The following NALF1 variants were observed in gnomAD, a reference collection of about 807,000 sequenced individuals.
NALF1 encodes the protein family with sequence similarity 155 member A.
In NALF1, 3 loss-of-function variants were observed where a neutral mutation model predicts 48.4. That is an observed-to-expected ratio of 0.06 (90% CI 0.03 to 0.16). NALF1 has a LOEUF of 0.16. Ranked by LOEUF, NALF1 falls within the 10% of genes least tolerant of loss-of-function variation. NALF1 has a pLI of 1.00. For synonymous variants in NALF1, 262 were observed against 245.7 expected (o/e 1.07, Z -0.62); for missense variants, 526 against 571.5 (o/e 0.92, Z 0.81).
chr13:107,858,942 T>G (rs545143005), intron 1 of NALF1, among the ~76,000 whole-genome samples: 4 of 152,212 alleles, frequency 2.6e-5, no homozygotes, highest in Admixed American at 6.5e-5. Flanking sequence ...ATAATGATCG[T>G]CTATTTAACG....
At chr13:107,265,135 T>C (rs987189257) in intron 1 of NALF1, among the ~76,000 whole-genome samples, 2 of 152,360 alleles carry the variant, frequency 1.3e-5, no homozygotes, top group Admixed American at 6.5e-5. Context: ...GGCTATTTGA[T>C]TATTACAAGA....
intron 1 of NALF1, among the ~76,000 whole-genome samples, chr13:107,693,596 C>T (rs1412005514): frequency 1.3e-5 from 2 of 150,944 alleles, no homozygotes; most frequent in African/African-American, 4.9e-5. Context: ...TTTAGAAAGG[C>T]ATTTTTCTTT....
At chr13:107,499,584 T>C (rs1290980011) in intron 1 of NALF1, among the ~76,000 whole-genome samples, 2 of 152,178 alleles carry the variant, frequency 1.3e-5, no homozygotes, top group Non-Finnish European at 2.9e-5. Context: ...CTAGGTTATA[T>C]ACCACACACA....
At chr13:107,291,223 G>A (rs11841346) in intron 1 of NALF1, among the ~76,000 whole-genome samples, 23,652 of 151,584 alleles carry the variant, frequency 0.16, 2,577 homozygotes, top group African/African-American at 0.31. Flanking sequence ...TAACTATATT[G>A]ATATGAAAAA....
Position 107,866,179 on chromosome 13 carries a change from C to A in NALF1, c.418G>T (p.Gly140Cys), listed in dbSNP as rs201168561. The A allele has an allele frequency of 6.2e-7, 1 of 1,604,178 alleles. No homozygotes were observed. Among genetic ancestry groups the A allele is most frequent in the Non-Finnish European group, 8.5e-7 (1 of 1,175,932 alleles). Residue 140 changes from glycine (G) to cysteine (C), a missense_variant, in exon 1 of 3, where the codon GGC (glycine) becomes TGC (cysteine). Physicochemically the swap from Gly to Cys is radical, Grantham distance 159 (BLOSUM62 -3). Around this residue, in one of 2 missense-constraint regions of NALF1, gnomAD observed 373 missense variants for 355.5 expected, o/e 1.05. Coordinates refer to ENST00000375915, the MANE Select transcript of NALF1 (RefSeq NM_001080396.3). The surrounding 1 kb of genome is among the most constrained non-coding windows in gnomAD (Gnocchi z 4.4). ...CCTCGGTTGCCCTTGCCGCCGCCGC[C>A]GCCGCCGTCTCCCGGGGAGGGGGGC... ...TLPPSPGDGGGGGGKGNRGKD... is the reference protein window; with the variant it reads ...TLPPSPGDGGCGGGKGNRGKD...
At chr13:107,804,725 A>G (rs1029055186) in intron 1 of NALF1, among the ~76,000 whole-genome samples, 1 of 152,194 alleles carries the variant, frequency 6.6e-6, no homozygotes, top group Non-Finnish European at 1.5e-5. Flanking sequence ...TTGAAAGATA[A>G]TATGTGGATA....
chr13:107,325,655 T>G (rs9514657), intron 1 of NALF1, among the ~76,000 whole-genome samples: 53,282 of 151,064 alleles, frequency 0.35, 11,420 homozygotes, highest in South Asian at 0.54. Context: ...CTGGCCAATA[T>G]GGCAAAACCT....
rs540918366 is a variant in NALF1 at position 107,771,862 on chromosome 13, G to A, written c.915+93820C>T. ...AGTGATTCTCCTGCCTCAGCCTCTG[G>A]AGTAGTTGGGACTACAGGCACATGC... On this transcript the variant is annotated intron_variant, in intron 1 of 2. Coordinates refer to ENST00000375915, the MANE Select transcript of NALF1 (RefSeq NM_001080396.3). Among the ~76,000 whole-genome samples the A allele has an allele frequency of 1.6e-3, 245 of 152,106 alleles. 1 individual carries two copies. The highest frequency in any genetic ancestry group is 5.3e-3 in the African/African-American group (221 of 41,490).
intron 1 of NALF1, among the ~76,000 whole-genome samples, chr13:107,492,678 AAATAGG>A (rs1423017906): frequency 6.6e-6 from 1 of 152,132 alleles, no homozygotes; most frequent in Non-Finnish European, 1.5e-5. Context: ...CACTGTCTGT[AAATAGG>A]ATTTTTTTAA....
At chr13:107,816,666 A>G (rs1217249218) in intron 1 of NALF1, among the ~76,000 whole-genome samples, 1 of 152,196 alleles carries the variant, frequency 6.6e-6, no homozygotes, top group African/African-American at 2.4e-5. Context: ...AAGATGGTAT[A>G]CAAAAGTTTT....
At chr13:107,235,036 G>T (rs1265122139) in intron 1 of NALF1, among the ~76,000 whole-genome samples, 1 of 152,116 alleles carries the variant, frequency 6.6e-6, no homozygotes, top group Non-Finnish European at 1.5e-5. Context: ...CTTTGGATAG[G>T]AAAGCCTGAA....
intron 1 of NALF1, among the ~76,000 whole-genome samples, chr13:107,765,548 CT>C (rs1877397025): frequency 6.6e-6 from 1 of 152,118 alleles, no homozygotes; most frequent in Non-Finnish European, 1.5e-5. Flanking sequence ...TTATTTCGTT[CT>C]GTTTATGTGG....
intron 2 of NALF1, among the ~76,000 whole-genome samples, chr13:107,190,208 A>G (rs1879252898): frequency 6.6e-6 from 1 of 152,214 alleles, no homozygotes; most frequent in Non-Finnish European, 1.5e-5. Context: ...CTGTGGCTGC[A>G]GTATCTCAAC....
intron 1 of NALF1, among the ~76,000 whole-genome samples, chr13:107,738,879 G>T (rs1296560062): frequency 2.6e-5 from 4 of 152,000 alleles, no homozygotes; most frequent in Non-Finnish European, 1.5e-5. Context: ...TGCCAGGCTG[G>T]TCTCAAACTC....
At chr13:107,672,112 C>T (rs998626053) in intron 1 of NALF1, among the ~76,000 whole-genome samples, 9 of 152,194 alleles carry the variant, frequency 5.9e-5, no homozygotes, top group South Asian at 2.1e-4. Context: ...CTCCGGGGTC[C>T]GCATGAGCAG....
At chr13:107,368,962 T>C (rs1273488823) in intron 1 of NALF1, among the ~76,000 whole-genome samples, 1 of 152,248 alleles carries the variant, frequency 6.6e-6, no homozygotes, top group Non-Finnish European at 1.5e-5. Context: ...ATAGGTCAGG[T>C]TGTCACTTTC....
At chr13:107,661,497 C>A (rs1156455448) in intron 1 of NALF1, among the ~76,000 whole-genome samples, 1 of 151,722 alleles carries the variant, frequency 6.6e-6, no homozygotes, top group Non-Finnish European at 1.5e-5. Flanking sequence ...ACGTCTTTTG[C>A]GAGCGGCCAA....
intron 1 of NALF1, among the ~76,000 whole-genome samples, chr13:107,748,434 C>T (rs1028586991): frequency 6.6e-6 from 1 of 152,132 alleles, no homozygotes; most frequent in Non-Finnish European, 1.5e-5. Flanking sequence ...CTTTATACCA[C>T]ACTGGCATTG....
chr13:107,805,796 G>A (rs578062756), intron 1 of NALF1, among the ~76,000 whole-genome samples: 1 of 152,194 alleles, frequency 6.6e-6, no homozygotes, highest in Admixed American at 6.5e-5. Flanking sequence ...TCTTCTTAAT[G>A]AACTGGTAAC....
Sources: allele counts gnomAD v4.1 joint callset (sites outside exome capture counted in the v4.1 genomes callset), GRCh38; gene constraint gnomAD v4.1.1; regional missense constraint gnomAD v4.1.1; non-coding constraint Gnocchi (gnomAD v3.1); transcripts MANE v1.5; gene names NCBI Gene and HGNC (gene_info 2026-07-23, HGNC 2026-07-21).